Variants in DPY19L3 observed in about 807,000 individuals in gnomAD.
DPY19L3 encodes protein C-mannosyl-transferase DPY19L3.
DPY19L3 carries 51 observed loss-of-function variants against 92.3 expected under a neutral mutation model. The observed-to-expected ratio is 0.55, with a 90% CI of 0.44 to 0.70. The LOEUF (loss-of-function observed/expected upper bound fraction) is 0.70. Ranked by LOEUF, DPY19L3 falls within the 30% of genes least tolerant of loss-of-function variation. DPY19L3 has a pLI of 0.00. For missense variants in DPY19L3, 706 were observed against 855.9 expected (o/e 0.82, Z 2.18); for synonymous variants, 309 against 315.2 (o/e 0.98, Z 0.21).
intron 4 of DPY19L3, among the ~76,000 whole-genome samples, chr19:32,434,097 T>C (rs1000036432): frequency 3.3e-5 from 5 of 152,342 alleles, no homozygotes; most frequent in African/African-American, 1.2e-4. Context: ...AACCTTGTTA[T>C]TCACAGATTC....
intron 3 of DPY19L3, among the ~76,000 whole-genome samples, chr19:32,419,163 CT>C (rs1277893362): frequency 2.4e-3 from 326 of 136,384 alleles, no homozygotes; most frequent in Middle Eastern, 7.4e-3. Context: ...TTATTTGTAC[CT>C]TTTTTTTTTT....
chr19:32,465,878 C>T (rs75202632), intron 15 of DPY19L3, among the ~76,000 whole-genome samples: 2,202 of 152,160 alleles, frequency 0.014, 34 homozygotes, highest in East Asian at 0.07. Context: ...TGCTCTAATG[C>T]GAATAACTGA....
rs957381977 is a variant in DPY19L3 at position 32,482,796 on chromosome 19, A to G, written c.*556A>G. The stretch of plus-strand genomic sequence containing the variant: ...AAAAAAAATCATGTTAAGGCTTTGT[A>G]TCAAACATTTTGTTACACTCTGTCT... On this transcript the variant is annotated 3_prime_UTR_variant, in exon 19 of 19. Transcript: ENST00000392250. The G allele has an allele frequency of 1.3e-5, 2 of 153,068 alleles. No homozygotes were observed. The highest frequency in any genetic ancestry group is 2.9e-5 in the Non-Finnish European group (2 of 68,658). The allele number at this position is 153,068 out of a possible 1,614,324, so 9.5% of individuals were successfully genotyped here.
At chr19:32,429,334 G>T (rs1968883437) in intron 3 of DPY19L3, among the ~76,000 whole-genome samples, 3 of 152,208 alleles carry the variant, frequency 2.0e-5, no homozygotes, top group African/African-American at 7.2e-5. Context: ...TCACGGGTGT[G>T]ATCTACCAAG....
Position 32,483,501 on chromosome 19 carries a change from T to C in DPY19L3, c.*1261T>C, listed in dbSNP as rs1970728072. ...CTAATGGAATTAACTTTCTCCCCTG[T>C]TCTTGCCAGGTGGAAATGATTTAAG... On this transcript the variant is annotated 3_prime_UTR_variant, in exon 19 of 19. Coordinates refer to ENST00000392250, the MANE Select transcript of DPY19L3 (RefSeq NM_001172774.2). 1 of 152,668 alleles carries C rather than the reference T, an allele frequency of 6.6e-6. No individual in the cohort carries two copies. The highest frequency in any genetic ancestry group is 2.4e-5 in the African/African-American group (1 of 41,470). 9.5% of individuals were successfully genotyped at this position (152,668 alleles called of 1,614,324 possible).
intron 1 of DPY19L3, among the ~76,000 whole-genome samples, chr19:32,407,411 C>T (rs982260703): frequency 6.6e-6 from 1 of 152,160 alleles, no homozygotes; most frequent in Non-Finnish European, 1.5e-5. Flanking sequence ...ATTCAGGTAC[C>T]TGAGACAAAA....
At position 32,477,493 on chromosome 19, in the gene DPY19L3, G is replaced by T. The variant is rs767050141; in HGVS notation, c.1698-29G>T. On this transcript the variant is annotated intron_variant, in intron 16 of 18. Coordinates refer to ENST00000392250, the MANE Select transcript of DPY19L3 (RefSeq NM_001172774.2). ...TGTCTTTAAGGATCTCTTAACAGTG[G>T]GGTTAATTCAGACTCTAAAATCTTT... 3 of 1,613,598 alleles carry T rather than the reference G, an allele frequency of 1.9e-6. No homozygotes were observed. The African/African-American group carries it at 4.0e-5, about 22-fold the overall frequency.
At chr19:32,452,829 G>A (rs1476842374) in intron 8 of DPY19L3, among the ~76,000 whole-genome samples, 3 of 151,650 alleles carry the variant, frequency 2.0e-5, no homozygotes, top group Non-Finnish European at 4.4e-5. Context: ...AAATAGCTGG[G>A]ATCACAGGCA....
intron 12 of DPY19L3, among the ~76,000 whole-genome samples, chr19:32,458,889 C>T (rs1180028241): frequency 6.6e-6 from 1 of 152,178 alleles, no homozygotes; most frequent in Non-Finnish European, 1.5e-5. Flanking sequence ...GGTGCCTAGA[C>T]TTCGGCAGGT....
chr19:32,464,180 A>G (rs1394057332), intron 14 of DPY19L3, among the ~76,000 whole-genome samples, 200 bp downstream of exon 14: 5 of 152,202 alleles, frequency 3.3e-5, no homozygotes, highest in Middle Eastern at 3.4e-3. Flanking sequence ...TTCTCAGACT[A>G]TAAGTTAGAT....
At chr19:32,410,880 G>A (rs1255824514) in intron 2 of DPY19L3, among the ~76,000 whole-genome samples, 1 of 152,152 alleles carries the variant, frequency 6.6e-6, no homozygotes, top group Non-Finnish European at 1.5e-5. Flanking sequence ...GATCGATTAC[G>A]TCCTAGACAC....
chr19:32,425,285 C>T (rs1968719262), intron 3 of DPY19L3, among the ~76,000 whole-genome samples: 2 of 152,184 alleles, frequency 1.3e-5, no homozygotes, highest in South Asian at 4.1e-4. Context: ...GGTGCTGTGG[C>T]TCATGCCTGT....
chr19:32,452,396 C>A (rs1241723902), intron 8 of DPY19L3, among the ~76,000 whole-genome samples: 1 of 152,130 alleles, frequency 6.6e-6, no homozygotes, highest in Non-Finnish European at 1.5e-5. Flanking sequence ...GGGATCTGGG[C>A]ACACACTCAC....
At chr19:32,425,870 G>A (rs951183111) in intron 3 of DPY19L3, among the ~76,000 whole-genome samples, 1 of 152,118 alleles carries the variant, frequency 6.6e-6, no homozygotes, top group Non-Finnish European at 1.5e-5. Context: ...GTGAACATTG[G>A]CTTCAACTTA....
chr19:32,418,842 A>G (rs564091661), intron 3 of DPY19L3, among the ~76,000 whole-genome samples: 10 of 152,334 alleles, frequency 6.6e-5, no homozygotes, highest in African/African-American at 2.4e-4. Context: ...CAAGTCATAC[A>G]CTGAATTTAT....
At position 32,458,336 on chromosome 19, in the gene DPY19L3, C is replaced by T. The variant is rs956400882; in HGVS notation, c.1164-15C>T. 4.4e-6 allele frequency: 7 copies of T among 1,607,648 alleles called. No homozygotes were observed. Among genetic ancestry groups the T allele is most frequent in the Non-Finnish European group, 5.1e-6 (6 of 1,178,240 alleles). ...TATATTGAATTTAATACTTTGCTTT[C>T]CATTTGTTCCCTAGGGATTTTGATG... On this transcript the variant is annotated splice_polypyrimidine_tract_variant and intron_variant, in intron 11 of 18. Transcript: ENST00000392250.
At chr19:32,412,535 C>T (rs1298559404) in intron 3 of DPY19L3, 2 of 151,684 alleles carry the variant, frequency 1.3e-5, no homozygotes, top group African/African-American at 2.4e-5. Context: ...AGAGGGTCCT[C>T]AGCATGTTCA....
Position 32,463,877 on chromosome 19 carries a change from A to G in DPY19L3, c.1454A>G (p.Tyr485Cys), listed in dbSNP as rs752984540. ...FLALSTMRMK[Y>C]LWTSHMCVFA... The stretch of plus-strand genomic sequence containing the variant: ...TGTGTCTGTTCTTGCAGAATGAAGT[A>G]CCTCTGGACGTCACACATGTGTGTG... The change falls in exon 14 of 19, where the codon TAC becomes TGC. Residue 485 changes from tyrosine to cysteine, a missense_variant. By Grantham distance (194) the Tyr-to-Cys change is radical (BLOSUM62 -2). Coordinates refer to ENST00000392250, the MANE Select transcript of DPY19L3 (RefSeq NM_001172774.2). 2 of 1,612,500 alleles carry G rather than the reference A, an allele frequency of 1.2e-6. No homozygotes were observed. Among genetic ancestry groups the G allele is most frequent in the Non-Finnish European group, 1.7e-6 (2 of 1,178,962 alleles).
Position 32,482,324 on chromosome 19 carries a change from T to C in DPY19L3, c.*84T>C, listed in dbSNP as rs1473571907. 8 of 1,496,450 alleles carry C rather than the reference T, an allele frequency of 5.3e-6. No individual in the cohort carries two copies. Among genetic ancestry groups the C allele is most frequent in the Non-Finnish European group, 7.2e-6 (8 of 1,106,910 alleles). 92.7% of individuals were successfully genotyped at this position (1,496,450 alleles called of 1,614,324 possible). On this transcript the variant is annotated 3_prime_UTR_variant, in exon 19 of 19. Transcript: ENST00000392250. Reference sequence around the variant, plus strand: ...CAATAGATGACGTTTCCTATGTAAGTAGGTAGCCCAAACCTTCAAGCTGTG... The same window carrying C: ...CAATAGATGACGTTTCCTATGTAAGCAGGTAGCCCAAACCTTCAAGCTGTG...
Sources: gnomAD v4.1 joint callset for allele counts (sites outside exome capture counted in the v4.1 genomes callset) on GRCh38, gnomAD v4.1.1 for gene constraint, MANE v1.5 for transcripts, NCBI Gene and HGNC (gene_info 2026-07-23, HGNC 2026-07-21) for gene names.